SLAIN2: variants seen among roughly 807,000 people sequenced by gnomAD.
SLAIN2 encodes the protein SLAIN family member 2.
SLAIN2 carries 31 observed loss-of-function variants against 56.6 expected under a neutral mutation model. The observed-to-expected ratio is 0.55, with a 90% CI of 0.41 to 0.74. The LOEUF is 0.74. SLAIN2 is among the 30% of genes least tolerant of loss of function. The pLI is 0.00. For synonymous variants in SLAIN2, 317 were observed against 284.9 expected (o/e 1.11, Z -1.13); for missense variants, 777 against 754.2 (o/e 1.03, Z -0.35).
chr4:48,353,928 G>A (rs1329363246), intron 1 of SLAIN2, among the ~76,000 whole-genome samples: 1 of 152,172 alleles, frequency 6.6e-6, no homozygotes, highest in Non-Finnish European at 1.5e-5. Flanking sequence ...AATATGTAGA[G>A]AGAAAACAGT....
chr4:48,398,304 T>G (rs1424271521), intron 6 of SLAIN2, among the ~76,000 whole-genome samples: 1 of 152,178 alleles, frequency 6.6e-6, no homozygotes, highest in Non-Finnish European at 1.5e-5. Flanking sequence ...TTTTGAGAAG[T>G]GTCTGTTTAT....
At position 48,422,220 on chromosome 4, in the gene SLAIN2, C is replaced by A; in HGVS notation, c.*143C>A. 1.6e-6 allele frequency: 1 copy of A among 619,878 alleles called. No homozygotes were observed. The highest frequency in any genetic ancestry group is 2.8e-6 in the Non-Finnish European group (1 of 351,086). 38.4% of individuals were successfully genotyped at this position (619,878 alleles called of 1,614,324 possible). ...CCCTCTCTGTCTTAATTAGCACAAA[C>A]CGACAGAGATCATCAAACAGCACTT... On this transcript the variant is annotated 3_prime_UTR_variant, in exon 8 of 8. Transcript: ENST00000264313.
At chr4:48,382,197 G>T (rs1410042577) in intron 4 of SLAIN2, among the ~76,000 whole-genome samples, 2 of 152,212 alleles carry the variant, frequency 1.3e-5, no homozygotes, top group East Asian at 1.9e-4. Flanking sequence ...TTTTCCACTG[G>T]TTGGATGGTA....
chr4:48,420,668 G>A (rs1245375118), intron 7 of SLAIN2, among the ~76,000 whole-genome samples: 3 of 152,116 alleles, frequency 2.0e-5, no homozygotes, highest in Non-Finnish European at 2.9e-5. Flanking sequence ...GTTGCCTAAC[G>A]TGATTAAGCA....
chr4:48,395,165 G>A (rs973076389), intron 6 of SLAIN2, among the ~76,000 whole-genome samples: 2 of 152,038 alleles, frequency 1.3e-5, no homozygotes, highest in Non-Finnish European at 2.9e-5. Flanking sequence ...TATGAAGGTC[G>A]GACATCAAAG....
chr4:48,362,732 C>CTTTTTTTTTTTTTTTTATTTTTTT (rs397716685), intron 1 of SLAIN2, among the ~76,000 whole-genome samples: 1 of 116,350 alleles, frequency 8.6e-6, no homozygotes, highest in Non-Finnish European at 1.7e-5. Flanking sequence ...TTTTAAATTT[C>CTTTTTTTTTTTTTTTTATTTTTTT]TTTTTTTTTT....
chr4:48,421,960 A>G (rs1341224692), intron 7 of SLAIN2, 51 bp from the exon 8 acceptor site: 50 of 1,380,668 alleles, frequency 3.6e-5, no homozygotes, highest in Non-Finnish European at 4.6e-5. Context: ...GTATGGTACT[A>G]TTTCATAAAG....
chr4:48,420,953 T>C (rs1228231469), intron 7 of SLAIN2, among the ~76,000 whole-genome samples: 1 of 152,146 alleles, frequency 6.6e-6, no homozygotes, highest in Non-Finnish European at 1.5e-5. Flanking sequence ...AGATCTGTTA[T>C]GAGGCCCAGA....
At chr4:48,361,034 T>G (rs1050116021) in intron 1 of SLAIN2, among the ~76,000 whole-genome samples, 4 of 152,224 alleles carry the variant, frequency 2.6e-5, no homozygotes, top group African/African-American at 9.6e-5. Context: ...CTTATTAGAA[T>G]GGGCGTAAGG....
chr4:48,399,293 G>C (rs1716487532), intron 6 of SLAIN2, among the ~76,000 whole-genome samples: 1 of 151,968 alleles, frequency 6.6e-6, no homozygotes, highest in Admixed American at 6.6e-5. Context: ...TTCATGATTT[G>C]GCCCTCCGCT....
chr4:48,378,482 G>A (rs1715885498), intron 3 of SLAIN2, among the ~76,000 whole-genome samples: 1 of 152,146 alleles, frequency 6.6e-6, no homozygotes, highest in Admixed American at 6.5e-5. Flanking sequence ...CAGAGTGAGG[G>A]GGCAGTAAAT....
At chr4:48,388,852 A>G (rs1195948278) in intron 6 of SLAIN2, among the ~76,000 whole-genome samples, 1 of 152,238 alleles carries the variant, frequency 6.6e-6, no homozygotes, top group Admixed American at 6.5e-5. Flanking sequence ...ATTTGCTTAC[A>G]TTTAGCCAAA....
At chr4:48,415,364 G>A (rs1398113106) in intron 6 of SLAIN2, among the ~76,000 whole-genome samples, 3 of 66,066 alleles carry the variant, frequency 4.5e-5, no homozygotes, top group Non-Finnish European at 1.0e-4. Context: ...CTTCTTTTGA[G>A]AAGTGTCTGT....
rs1320464038 is a variant in SLAIN2, at chr4:48,425,865, T to G, written c.*3788T>G. The stretch of plus-strand genomic sequence containing the variant: ...TGAAACCGATTATACTCATCGGCCT[T>G]ATTTACTGTAATACAAACTGGTTAA... On this transcript the variant is annotated 3_prime_UTR_variant, in exon 8 of 8. Transcript: ENST00000264313. 6.6e-6 allele frequency: 1 copy of G among 152,196 alleles called. No homozygotes were observed. The highest frequency in any genetic ancestry group is 2.4e-5 in the African/African-American group (1 of 41,464). 9.4% of individuals were successfully genotyped at this position (152,196 alleles called of 1,614,324 possible). A position where few individuals can be genotyped will look rare whatever the true frequency, so the allele number is the denominator to read the frequency against.
At chr4:48,411,076 C>T (rs1170527556) in intron 6 of SLAIN2, among the ~76,000 whole-genome samples, 6 of 151,836 alleles carry the variant, frequency 4.0e-5, no homozygotes, top group African/African-American at 9.7e-5. Flanking sequence ...GGTGTTTTTT[C>T]GTCGTTGTTG....
chr4:48,375,767 C>T lies in SLAIN2; in HGVS notation c.539-2129C>T, dbSNP rs180754024. ...CTGGTTTTATCTGTTTTGTCCCTGC[C>T]CTGTGCTTTATCACACTTACCTGAG... On this transcript the variant is annotated intron_variant, in intron 2 of 7. Transcript: ENST00000264313. Among the ~76,000 whole-genome samples, 3 of 152,276 alleles carry T rather than the reference C, an allele frequency of 2.0e-5. No homozygotes were observed. The East Asian group carries it at 5.8e-4, about 29-fold the overall frequency.
chr4:48,350,213 G>C lies in SLAIN2; in HGVS notation c.389+8085G>C, dbSNP rs144020136. 2.8e-3 allele frequency among the ~76,000 whole-genome samples: 431 copies of C among 152,298 alleles called. 6 individuals are homozygous for C. Among genetic ancestry groups the C allele is most frequent in the Admixed American group, 0.025 (379 of 15,298 alleles). On this transcript the variant is annotated intron_variant, in intron 1 of 7. Transcript: ENST00000264313. ...CATCCTGTGAGCCTTCTGGATCACT[G>C]ATGTTGCTACTGCTCCTCAGTCCCC...
chr4:48,368,463 G>A (rs1715583711), intron 1 of SLAIN2, among the ~76,000 whole-genome samples: 1 of 151,918 alleles, frequency 6.6e-6, no homozygotes, highest in Non-Finnish European at 1.5e-5. Context: ...ACCAGTCAGT[G>A]TAGGAAAAAT....
At chr4:48,345,943 TTCTA>T (rs757241978) in intron 1 of SLAIN2, among the ~76,000 whole-genome samples, 2 of 151,950 alleles carry the variant, frequency 1.3e-5, no homozygotes, top group African/African-American at 2.4e-5. Flanking sequence ...TAATTGCTAG[TTCTA>T]TCTATTATCG....
Sources: gnomAD v4.1 joint callset for allele counts (sites outside exome capture counted in the v4.1 genomes callset) on GRCh38, gnomAD v4.1.1 for gene constraint, MANE v1.5 for transcripts, NCBI Gene and HGNC (gene_info 2026-07-23, HGNC 2026-07-21) for gene names.